The following OC90 variants were observed in gnomAD, a reference collection of about 807,000 sequenced individuals.
The protein encoded by OC90 is otoconin-90.
In OC90, 46 loss-of-function variants were observed where a neutral mutation model predicts 47.3. That is an observed-to-expected ratio of 0.97 (90% CI 0.77 to 1.24). The LOEUF is 1.24. OC90 is among the 50% of genes most tolerant of loss of function. The pLI is 0.00. For missense variants in OC90, 688 were observed against 583.9 expected (o/e 1.18, Z -1.84); for synonymous variants, 271 against 219.5 (o/e 1.23, Z -2.07).
rs111226729 is a variant in OC90, at chr8:132,035,118, T to A, written c.680-284A>T. The stretch of plus-strand genomic sequence containing the variant: ...AATACTTTGGGAATGACAGCTTCTT[T>A]AGAATTCGGAGAAAAACTAAAAGAA... On this transcript the variant is annotated intron_variant, in intron 9 of 13. Transcript: ENST00000254627. 2.1e-3 allele frequency among the ~76,000 whole-genome samples: 316 copies of A among 152,348 alleles called. 1 individual carries two copies. Among genetic ancestry groups the A allele is most frequent in the African/African-American group, 7.0e-3 (289 of 41,580 alleles).
At chr8:132,028,884 G>C (rs1822827972) in intron 13 of OC90, among the ~76,000 whole-genome samples, 189 bp downstream of exon 13, 2 of 141,244 alleles carry the variant, frequency 1.4e-5, no homozygotes, top group African/African-American at 5.3e-5. Context: ...GGAAGGAAAA[G>C]AAAGAAAGAA....
intron 13 of OC90, among the ~76,000 whole-genome samples, chr8:132,027,501 A>G (rs1822777290): frequency 6.6e-6 from 1 of 152,246 alleles, no homozygotes; most frequent in Non-Finnish European, 1.5e-5. Flanking sequence ...ACGAAAATGA[A>G]AATGAGAACA....
chr8:132,039,737 G>A (rs1447643609), intron 6 of OC90, among the ~76,000 whole-genome samples: 1 of 152,006 alleles, frequency 6.6e-6, no homozygotes, highest in East Asian at 1.9e-4. Context: ...GGCCTCTCAG[G>A]CCTCAGGGCC....
intron 2 of OC90, among the ~76,000 whole-genome samples, chr8:132,051,912 T>C (rs753688415): frequency 1.2e-4 from 18 of 152,324 alleles, no homozygotes; most frequent in Non-Finnish European, 2.1e-4. Flanking sequence ...TTTTTTGAAA[T>C]GTTAATTTTT....
chr8:132,036,645 A>G (rs1238601931), intron 9 of OC90, among the ~76,000 whole-genome samples: 2 of 152,216 alleles, frequency 1.3e-5, no homozygotes, highest in Non-Finnish European at 2.9e-5. Context: ...TGCCATCTTC[A>G]GGGGTGAAGG....
At chr8:132,050,221 C>A (rs148482667) in intron 2 of OC90, among the ~76,000 whole-genome samples, 1 of 152,076 alleles carries the variant, frequency 6.6e-6, no homozygotes, top group Admixed American at 6.5e-5. Context: ...GGAGGGCAGA[C>A]TGGCAGGAAA....
chr8:132,046,261 A>G (rs1823131656), intron 2 of OC90, among the ~76,000 whole-genome samples: 1 of 132,282 alleles, frequency 7.6e-6, no homozygotes, highest in African/African-American at 2.9e-5. Context: ...CCAACCCCCA[A>G]GGAGTTTATA....
chr8:132,032,124 G>A, intron 11 of OC90, 72 bp from the exon 12 acceptor site: 1 of 1,415,768 alleles, frequency 7.1e-7, no homozygotes, highest in Non-Finnish European at 9.8e-7. Context: ...GGCCATGTGA[G>A]CCTCCGGGTT....
chr8:132,040,071 A>G (rs145396194), intron 6 of OC90, among the ~76,000 whole-genome samples: 12 of 152,266 alleles, frequency 7.9e-5, no homozygotes, highest in African/African-American at 2.9e-4. Flanking sequence ...CACAATACAT[A>G]TACGTTGGGT....
intron 8 of OC90, among the ~76,000 whole-genome samples, chr8:132,038,374 G>A (rs1450067550): frequency 1.3e-5 from 2 of 152,182 alleles, no homozygotes; most frequent in Non-Finnish European, 2.9e-5. Flanking sequence ...AGGGAGAGGA[G>A]GAGGTAGTGG....
chr8:132,050,639 C>A (rs1044240698), intron 2 of OC90, among the ~76,000 whole-genome samples: 2 of 152,192 alleles, frequency 1.3e-5, no homozygotes, highest in African/African-American at 4.8e-5. Context: ...CTTTGATCCT[C>A]TGTAAAATGA....
At chr8:132,028,819 G>GAAAT in intron 13 of OC90, among the ~76,000 whole-genome samples, 1 of 103,388 alleles carries the variant, frequency 9.7e-6, no homozygotes, top group South Asian at 3.2e-4. Flanking sequence ...AAGAAAGAAA[G>GAAAT]AAAAAGAAAG....
chr8:132,048,437 G>A (rs1054843732), intron 2 of OC90, among the ~76,000 whole-genome samples: 8 of 147,004 alleles, frequency 5.4e-5, no homozygotes, highest in Admixed American at 2.7e-4. Context: ...AGGCAGTCAT[G>A]GTCCCAGCTG....
Position 132,037,458 on chromosome 8 carries a change from A to C in OC90, c.659T>G (p.Leu220Arg). 1 of 1,583,720 alleles carries C rather than the reference A, an allele frequency of 6.3e-7. No homozygotes were observed. Among genetic ancestry groups the C allele is most frequent in the Non-Finnish European group, 8.6e-7 (1 of 1,163,630 alleles). Residue 220 changes from leucine to arginine, a missense_variant, in exon 9 of 14, where the codon CTG (leucine) becomes CGG (arginine). By Grantham distance (102) the Leu-to-Arg change is moderately radical. Transcript: ENST00000254627. ...CTCACCTTCTCCTGAAAGGGCTGTC[A>C]GGCTGGTGTCTGTGGGCTCCACAGG... The part of the protein sequence containing the change: ...VVPVEPTDTS[L>R]TALSGEEAGH...
chr8:132,033,507 G>A (rs1379938323), intron 10 of OC90, among the ~76,000 whole-genome samples: 1 of 152,138 alleles, frequency 6.6e-6, no homozygotes, highest in Non-Finnish European at 1.5e-5. Flanking sequence ...CAAGTGAAGA[G>A]GTAAAGAAAC....
At chr8:132,041,195 G>T in intron 5 of OC90, 39 bp from the exon 6 acceptor site, 1 of 1,286,658 alleles carries the variant, frequency 7.8e-7, no homozygotes. Context: ...GAGAGTGTGG[G>T]TTAGAGTGAG....
rs1563726107 is a variant in OC90 at position 132,024,516 on chromosome 8, C to T, written c.1399G>A (p.Gly467Ser). 28 of 1,587,232 alleles carry T rather than the reference C, an allele frequency of 1.8e-5. No individual in the cohort carries two copies. Among genetic ancestry groups the T allele is most frequent in the South Asian group, 2.3e-5 (2 of 88,664 alleles). ...RAKRFLRKSL[G>S]PLGIGPLHGR is the part of the protein sequence containing the mutation. The stretch of plus-strand genomic sequence containing the variant: ...TGAAGAGGCCCGATCCCCAAGGGAC[C>T]CAGTGACTTCCGCAGAAACCTCTTG... The change falls in exon 14 of 14, where the codon GGT (glycine) becomes AGT (serine). Residue 467 changes from glycine (G) to serine (S), a missense_variant. Physicochemically the swap from Gly to Ser is moderately conservative, Grantham distance 56 (BLOSUM62 0). Coordinates refer to ENST00000254627, the MANE Select transcript of OC90 (RefSeq NM_001080399.3).
chr8:132,028,400 G>A (rs996825843), intron 13 of OC90, among the ~76,000 whole-genome samples: 4 of 151,984 alleles, frequency 2.6e-5, no homozygotes, highest in Admixed American at 2.6e-4. Flanking sequence ...TACTTGGGAG[G>A]CTGAGGGAGG....
chr8:132,038,712 G>T, intron 8 of OC90, 78 bp downstream of exon 8: 1 of 1,126,286 alleles, frequency 8.9e-7, no homozygotes, highest in Non-Finnish European at 1.3e-6. Flanking sequence ...CAGGCCTGGT[G>T]GAGGAGGTGT....
Sources: gnomAD v4.1 joint callset for allele counts (sites outside exome capture counted in the v4.1 genomes callset) on GRCh38, gnomAD v4.1.1 for gene constraint, MANE v1.5 for transcripts, NCBI Gene and HGNC (gene_info 2026-07-23, HGNC 2026-07-21) for gene names.